SNRPE: variants seen among roughly 807,000 people sequenced by gnomAD.
The protein encoded by SNRPE is small nuclear ribonucleoprotein polypeptide E, also known as small nuclear ribonucleoprotein E.
For missense variants in SNRPE, 53 were observed against 111.6 expected (o/e 0.48, Z 2.36); for synonymous variants, 35 against 36.7 (o/e 0.95, Z 0.17).
At chr1:203,866,432 G>A (rs1353178294) in intron 4 of SNRPE, among the ~76,000 whole-genome samples, 4 of 152,200 alleles carry the variant, frequency 2.6e-5, no homozygotes, top group African/African-American at 9.7e-5. Context: ...AGGCACTGGA[G>A]TACAGCTTCA....
At chr1:203,868,481 G>A (rs1355645237) in intron 4 of SNRPE, among the ~76,000 whole-genome samples, 3 of 152,094 alleles carry the variant, frequency 2.0e-5, no homozygotes, top group Non-Finnish European at 4.4e-5. Context: ...GTCTTTATTT[G>A]TTAAATGCTC....
chr1:203,867,123 A>AAAAAAAAACAAAAAC lies in SNRPE; in HGVS notation c.223+2011_223+2012insACAAAAACAAAAAAA, dbSNP rs1553274873. Among the ~76,000 whole-genome samples, 19 of 141,334 alleles carry AAAAAAAAACAAAAAC rather than the reference A, an allele frequency of 1.3e-4. No individual in the cohort carries two copies. In the East Asian group the frequency reaches 3.6e-3, roughly 27 times the overall value. 92.7% of individuals were successfully genotyped at this position (141,334 alleles called of 152,430 possible). A position where few individuals can be genotyped will look rare whatever the true frequency, so the allele number is the denominator to read the frequency against. ...GTCTTTCCTGAAAAAAAAAAAAAAA[A>AAAAAAAAACAAAAAC]AAAAAAATTAGCTGGGCATGGTGGC... On this transcript the variant is annotated intron_variant, in intron 4 of 4. Coordinates refer to ENST00000414487, the MANE Select transcript of SNRPE (RefSeq NM_003094.4).
chr1:203,863,934 CTCTG>C (rs142737263), intron 3 of SNRPE, among the ~76,000 whole-genome samples: 18,586 of 152,042 alleles, frequency 0.12, 1,492 homozygotes, highest in Admixed American at 0.25. Context: ...ATTTTCTTTC[CTCTG>C]TCTATGTTGA....
chr1:203,869,464 G>T (rs949389010), intron 4 of SNRPE, among the ~76,000 whole-genome samples: 2 of 151,856 alleles, frequency 1.3e-5, no homozygotes. Context: ...GCGCCACCAG[G>T]CTCTGCTAAT....
At chr1:203,868,918 C>G (rs1305126002) in intron 4 of SNRPE, among the ~76,000 whole-genome samples, 2 of 152,212 alleles carry the variant, frequency 1.3e-5, no homozygotes, top group African/African-American at 4.8e-5. Flanking sequence ...TTCCACCCAC[C>G]TTGGCCTCCC....
At chr1:203,866,582 G>T (rs1690092310) in intron 4 of SNRPE, among the ~76,000 whole-genome samples, 1 of 152,094 alleles carries the variant, frequency 6.6e-6, no homozygotes, top group Non-Finnish European at 1.5e-5. Context: ...TAGAGCTATT[G>T]TATTATTATT....
intron 1 of SNRPE, chr1:203,861,984 T>C: frequency 1.6e-6 from 1 of 612,700 alleles, no homozygotes. Flanking sequence ...AGTTAACGGT[T>C]TTGGGAAACT....
chr1:203,861,831 G>T, intron 1 of SNRPE, 118 bp downstream of exon 1: 1 of 817,588 alleles, frequency 1.2e-6, no homozygotes. Context: ...TGAGCCCCCG[G>T]GGCTACCAAG....
chr1:203,867,249 C>T (rs1690110831), intron 4 of SNRPE, among the ~76,000 whole-genome samples: 1 of 147,868 alleles, frequency 6.8e-6, no homozygotes, highest in Non-Finnish European at 1.5e-5. Flanking sequence ...CACTGCGCTC[C>T]AGCCTGGGCG....
At chr1:203,867,831 C>G (rs888501881) in intron 4 of SNRPE, among the ~76,000 whole-genome samples, 4 of 152,088 alleles carry the variant, frequency 2.6e-5, no homozygotes, top group African/African-American at 7.2e-5. Context: ...CTAAAAAGTT[C>G]AAAGTTTAAT....
At chr1:203,863,834 A>G (rs963460781) in intron 3 of SNRPE, 109 bp downstream of exon 3, 14 of 722,512 alleles carry the variant, frequency 1.9e-5, no homozygotes, top group Non-Finnish European at 2.6e-5. Flanking sequence ...CAACCTAAGG[A>G]AAGTTTTTCA....
intron 2 of SNRPE, among the ~76,000 whole-genome samples, chr1:203,862,646 T>TA (rs1572402250): frequency 6.6e-6 from 1 of 152,088 alleles, no homozygotes; most frequent in Non-Finnish European, 1.5e-5. Flanking sequence ...TGGGAAAACT[T>TA]AAAGACGAAA....
intron 1 of SNRPE, 170 bp downstream of exon 1, chr1:203,861,883 G>T: frequency 1.5e-6 from 1 of 665,720 alleles, no homozygotes. Context: ...ATGGTGGGGA[G>T]GTGGTCTTGG....
At chr1:203,862,873 A>G (rs143477736) in intron 2 of SNRPE, among the ~76,000 whole-genome samples, 179 of 152,308 alleles carry the variant, frequency 1.2e-3, no homozygotes, top group African/African-American at 4.2e-3. Context: ...ATTTTGCTGC[A>G]GGAGATAAGC....
chr1:203,865,067 A>G lies in SNRPE; in HGVS notation c.171A>G (p.Val57=). 6.2e-7 allele frequency: 1 copy of G among 1,612,746 alleles called. No homozygotes were observed. Among genetic ancestry groups the G allele is most frequent in the South Asian group, 1.1e-5 (1 of 90,944 alleles). ...GTTTTGATGAGTATATGAACCTTGT[A>G]TTAGATGATGCAGAAGAGATTCATT... ...IIGFDEYMNL[V]LDDAEEIHSK... The change falls in exon 4 of 5, where the codon GTA becomes GTG. Residue 57 remains valine (V), a synonymous_variant. Transcript: ENST00000414487.
At chr1:203,867,304 C>A (rs576355758) in intron 4 of SNRPE, among the ~76,000 whole-genome samples, 1 of 151,408 alleles carries the variant, frequency 6.6e-6, no homozygotes, top group East Asian at 1.9e-4. Context: ...AAACAGTGGT[C>A]CCCAACCATT....
Position 203,861,606 on chromosome 1 carries a change from C to T in SNRPE, c.-54C>T, listed in dbSNP as rs984294274. The stretch of plus-strand genomic sequence containing the variant: ...ACACTTCCGCTTCCGGTTCTTTATT[C>T]CGGAAGTTGCTCTCAGAGGCAGCGT... On this transcript the variant is annotated 5_prime_UTR_variant, in exon 1 of 5. Coordinates refer to ENST00000414487, the MANE Select transcript of SNRPE (RefSeq NM_003094.4). 1.6e-5 allele frequency: 23 copies of T among 1,426,114 alleles called. No individual in the cohort carries two copies. The highest frequency in any genetic ancestry group is 1.2e-4 in the Admixed American group (7 of 59,566). 88.3% of individuals were successfully genotyped at this position (1,426,114 alleles called of 1,614,324 possible).
intron 3 of SNRPE, among the ~76,000 whole-genome samples, chr1:203,864,798 A>G (rs1463539483): frequency 6.7e-6 from 1 of 149,538 alleles, no homozygotes; most frequent in Non-Finnish European, 1.5e-5. Flanking sequence ...GAATTGCTTG[A>G]ACCCAGGAGG....
At chr1:203,863,443 G>A (rs1690018404) in intron 2 of SNRPE, among the ~76,000 whole-genome samples, 1 of 152,004 alleles carries the variant, frequency 6.6e-6, no homozygotes, top group Non-Finnish European at 1.5e-5. Context: ...TCAGCGTCCC[G>A]AGTAGCTGGG....
Sources: allele counts gnomAD v4.1 joint callset (sites outside exome capture counted in the v4.1 genomes callset), GRCh38; gene constraint gnomAD v4.1.1; transcripts MANE v1.5; gene names NCBI Gene and HGNC (gene_info 2026-07-23, HGNC 2026-07-21).